MICAL3: variants seen among roughly 807,000 people sequenced by gnomAD.
The protein encoded by MICAL3 is [F-actin]-monooxygenase MICAL3.
A neutral mutation model predicts 207.4 loss-of-function variants in MICAL3; 62 were observed. That is an observed-to-expected ratio of 0.30 (90% confidence interval 0.24 to 0.37). The LOEUF is 0.37. Ranked by LOEUF, MICAL3 falls within the 10% of genes least tolerant of loss-of-function variation. The pLI is 1.00. For synonymous variants in MICAL3, 1,077 were observed against 1,069.3 expected, an observed-to-expected ratio of 1.01 and a Z score of -0.14; for missense variants, 2,368 against 2,635.6, an observed-to-expected ratio of 0.90 and a Z score of 2.22.
At chr22:17,897,469 T>A (rs542380165) in intron 7 of MICAL3, among the ~76,000 whole-genome samples, 1 of 151,486 alleles carries the variant, frequency 6.6e-6, no homozygotes, top group South Asian at 2.1e-4. Flanking sequence ...GGTGGATTAT[T>A]CCCGAGAGAA....
Position 17,793,785 on chromosome 22 carries a change from C to T in MICAL3, c.5651-2484G>A, listed in dbSNP as rs1446561597. On this transcript the variant is annotated intron_variant, in intron 29 of 31. Coordinates refer to ENST00000441493, the MANE Select transcript of MICAL3 (RefSeq NM_015241.3). The surrounding 1 kb of genome is among the most constrained non-coding windows in gnomAD (Gnocchi z 4.1). ...AGGTCTACGTCGTGGAGTCCCGCCA[C>T]TGGGCTCAACTTCAAAAGGGACCAA... 1 of 152,308 alleles carries T rather than the reference C, an allele frequency of 6.6e-6. No homozygotes were observed. The highest frequency in any genetic ancestry group is 1.5e-5 in the Non-Finnish European group (1 of 68,142). The allele number at this position is 152,308 out of a possible 1,614,324, so 9.4% of individuals were successfully genotyped here.
chr22:17,878,201 A>G (rs1015422969), intron 16 of MICAL3, among the ~76,000 whole-genome samples: 1 of 152,156 alleles, frequency 6.6e-6, no homozygotes, highest in Non-Finnish European at 1.5e-5. Flanking sequence ...CATTATCAGC[A>G]TCTCATTAAA....
rs372995197 is a variant in MICAL3, at chr22:17,959,987, C to G, written c.-74-53101G>C. Among the ~76,000 whole-genome samples, 19 of 152,368 alleles carry G rather than the reference C, an allele frequency of 1.2e-4. No individual in the cohort carries two copies. The South Asian group carries it at 3.7e-3, about 30-fold the overall frequency. On this transcript the variant is annotated intron_variant, in intron 1 of 31. Transcript: ENST00000441493. The stretch of plus-strand genomic sequence containing the variant: ...GCATCCCAATGCCTAGGAGTGCACT[C>G]TGTAAGCAAAGAGCACTTAACGTCT...
chr22:17,976,902 G>A (rs908534267), intron 1 of MICAL3, among the ~76,000 whole-genome samples: 1 of 151,250 alleles, frequency 6.6e-6, no homozygotes, highest in Admixed American at 6.6e-5. Context: ...CGCCTCCCAG[G>A]TTCACGCCAT....
rs1201460963 is a variant in MICAL3, at chr22:17,808,402, G to T, written c.5650+442C>A. ...ATGCTCCCCGACCAGCGGTGTTGAG[G>T]GCTCTGTGGGCAGGAGGGTCCCAGG... On this transcript the variant is annotated intron_variant, in intron 29 of 31. Transcript: ENST00000441493. 3.9e-5 allele frequency among the ~76,000 whole-genome samples: 6 copies of T among 152,206 alleles called. No homozygotes were observed. In the East Asian group the frequency reaches 1.2e-3, roughly 29 times the overall value.
intron 2 of MICAL3, among the ~76,000 whole-genome samples, chr22:17,906,253 T>C (rs537341641): frequency 3.3e-5 from 5 of 152,350 alleles, no homozygotes; most frequent in African/African-American, 1.2e-4. Flanking sequence ...GTCTGGGTCA[T>C]GCAAGTCAAA....
chr22:17,951,903 G>A, intron 1 of MICAL3, among the ~76,000 whole-genome samples: 1 of 152,056 alleles, frequency 6.6e-6, no homozygotes, highest in Non-Finnish European at 1.5e-5. Context: ...CCCCATGTTG[G>A]CCAGGCTGGT....
At chr22:17,877,270 TGGAGGTTAG>T (rs200450591) in intron 16 of MICAL3, among the ~76,000 whole-genome samples, 13 of 57,628 alleles carry the variant, frequency 2.3e-4, no homozygotes, top group East Asian at 5.3e-4. Context: ...AGGGAAGTTA[TGGAGGTTAG>T]GGAGGTTATG....
intron 7 of MICAL3, among the ~76,000 whole-genome samples, chr22:17,898,743 C>T (rs561768832): frequency 2.2e-4 from 33 of 152,314 alleles, no homozygotes; most frequent in South Asian, 8.3e-4. Flanking sequence ...ACCATCCACG[C>T]GGTGGTCTTC....
intron 28 of MICAL3, 23 bp from the exon 29 acceptor site, chr22:17,808,960 A>G: frequency 1.3e-6 from 2 of 1,539,560 alleles, no homozygotes; most frequent in Non-Finnish European, 1.8e-6. Flanking sequence ...GCACAGACTG[A>G]GCACCCGGCT....
chr22:17,820,386 G>A (rs151124374), intron 25 of MICAL3, among the ~76,000 whole-genome samples: 4,683 of 152,162 alleles, frequency 0.031, 117 homozygotes, highest in Non-Finnish European at 0.045. Context: ...ACGGAGTCTC[G>A]CTCTGTCGCC....
At chr22:17,995,530 G>A (rs1467015814) in intron 1 of MICAL3, among the ~76,000 whole-genome samples, 1 of 126,482 alleles carries the variant, frequency 7.9e-6, no homozygotes, top group Non-Finnish European at 1.6e-5. Context: ...TGGGACAGTA[G>A]GGTCTTGCTC....
At chr22:17,957,765 T>C (rs568736929) in intron 1 of MICAL3, among the ~76,000 whole-genome samples, 19 of 124,330 alleles carry the variant, frequency 1.5e-4, no homozygotes, top group South Asian at 1.3e-3. Context: ...AGAGAGAGAA[T>C]GAAAGAACGA....
rs117190661 is a variant in MICAL3, at chr22:17,802,929, A to T, written c.5650+5915T>A. ...AGGAGAAAAGCTGCCTGAAGCTTAGAAATGAGACATGGGGGTCAGCCATTC... is the reference window on the plus strand; with the variant it reads ...AGGAGAAAAGCTGCCTGAAGCTTAGTAATGAGACATGGGGGTCAGCCATTC... On this transcript the variant is annotated intron_variant, in intron 29 of 31. Transcript: ENST00000441493. 1.6e-3 allele frequency among the ~76,000 whole-genome samples: 241 copies of T among 152,314 alleles called. 6 individuals carry two copies. The East Asian group carries it at 0.04, about 25-fold the overall frequency.
chr22:17,863,306 T>C, intron 19 of MICAL3: 1 of 985,408 alleles, frequency 1.0e-6, no homozygotes, highest in Non-Finnish European at 1.2e-6. Context: ...TACTGAGTAG[T>C]CAGGTTCCTC....
chr22:17,953,892 C>T lies in MICAL3; in HGVS notation c.-74-47006G>A, dbSNP rs527794255. Among the ~76,000 whole-genome samples, 56 of 133,922 alleles carry T rather than the reference C, an allele frequency of 4.2e-4. 1 individual carries two copies. In the South Asian group the frequency reaches 0.014, roughly 33 times the overall value. The allele number at this position is 133,922 out of a possible 152,430, so 87.9% of individuals were successfully genotyped here. On this transcript the variant is annotated intron_variant, in intron 1 of 31. Coordinates refer to ENST00000441493, the MANE Select transcript of MICAL3 (RefSeq NM_015241.3). The stretch of plus-strand genomic sequence containing the variant: ...GTTGCAGTGAGCCGAGATCACACCA[C>T]TGCATTCCAGCCCAGGTGACAGAGT...
intron 1 of MICAL3, among the ~76,000 whole-genome samples, chr22:17,963,845 G>C (rs1211359213): frequency 6.6e-6 from 1 of 152,152 alleles, no homozygotes; most frequent in East Asian, 1.9e-4. Flanking sequence ...ACAAGGAGCC[G>C]CTTTACCCAT....
Position 17,871,832 on chromosome 22 carries a change from C to A in MICAL3, c.2428+5G>T. Reference sequence around the variant, plus strand: ...CAGTGGGGCCGGAGGCGCAGGGTGTCTCACCATCCTCGATGTCGTAGGCGT... The same window carrying A: ...CAGTGGGGCCGGAGGCGCAGGGTGTATCACCATCCTCGATGTCGTAGGCGT... On this transcript the variant is annotated splice_donor_5th_base_variant and intron_variant, in intron 17 of 31. Transcript: ENST00000441493. 6.3e-7 allele frequency: 1 copy of A among 1,598,642 alleles called. No individual in the cohort carries two copies. The highest frequency in any genetic ancestry group is 8.5e-7 in the Non-Finnish European group (1 of 1,172,396).
At chr22:17,814,759 C>T (rs1197749866) in intron 27 of MICAL3, 1 of 152,072 alleles carries the variant, frequency 6.6e-6, no homozygotes, top group African/African-American at 2.4e-5. Context: ...GTCATCCATC[C>T]CCTAGCTTGG....
Sources: gnomAD v4.1 joint callset for allele counts (sites outside exome capture counted in the v4.1 genomes callset) on GRCh38, gnomAD v4.1.1 for gene constraint, Gnocchi (gnomAD v3.1) non-coding constraint, MANE v1.5 for transcripts, NCBI Gene and HGNC (gene_info 2026-07-23, HGNC 2026-07-21) for gene names.